The following PPARGC1B variants were observed in gnomAD, a reference collection of about 807,000 sequenced individuals.
The protein encoded by PPARGC1B is peroxisome proliferator-activated receptor gamma coactivator 1-beta.
Under a neutral mutation model 101.6 loss-of-function variants are expected in PPARGC1B, and 34 were observed. The ratio of observed to expected loss-of-function variants is 0.33; its 90% CI spans 0.25 to 0.45. The LOEUF (loss-of-function observed/expected upper bound fraction) is 0.45, where lower values mean the gene tolerates loss of function less well. Among genes scored for constraint, PPARGC1B ranks in the 20% least tolerant of loss-of-function variants. The pLI, the probability that PPARGC1B is intolerant of heterozygous loss-of-function variation, is 1.00. For synonymous variants in PPARGC1B, 548 were observed against 539.3 expected, an observed-to-expected ratio of 1.02 and a Z score of -0.22; for missense variants, 1,234 against 1,317.6, an observed-to-expected ratio of 0.94 and a Z score of 0.98.
chr5:149,754,592 T>A (rs1030897065), intron 1 of PPARGC1B, among the ~76,000 whole-genome samples: 2 of 152,108 alleles, frequency 1.3e-5, no homozygotes, highest in African/African-American at 4.8e-5. Flanking sequence ...AGATTTTACT[T>A]ACCTTAAACT....
chr5:149,772,056 A>G, intron 1 of PPARGC1B: 1 of 1,545,320 alleles, frequency 6.5e-7, no homozygotes, highest in Non-Finnish European at 8.7e-7. Context: ...CAGGCTGTGC[A>G]CAGGTGGGGA....
At chr5:149,736,306 T>G (rs1754707848) in intron 1 of PPARGC1B, among the ~76,000 whole-genome samples, 1 of 152,072 alleles carries the variant, frequency 6.6e-6, no homozygotes, top group Admixed American at 6.5e-5. Flanking sequence ...GGAATAATTC[T>G]CTCTTTGAAG....
chr5:149,808,289 C>T (rs1757675489), intron 1 of PPARGC1B, among the ~76,000 whole-genome samples: 1 of 152,192 alleles, frequency 6.6e-6, no homozygotes, highest in South Asian at 2.1e-4. Flanking sequence ...CTCCCAATTT[C>T]TGTGAACTAC....
chr5:149,804,649 G>A (rs756293719), intron 1 of PPARGC1B, among the ~76,000 whole-genome samples: 3 of 152,206 alleles, frequency 2.0e-5, no homozygotes, highest in East Asian at 1.9e-4. Context: ...CAGCTGGGGC[G>A]ACAGAGTGAG....
intron 1 of PPARGC1B, among the ~76,000 whole-genome samples, chr5:149,784,303 G>A (rs1398926617): frequency 6.6e-6 from 1 of 151,932 alleles, no homozygotes; most frequent in East Asian, 1.9e-4. Flanking sequence ...CCCACTCAGA[G>A]GCCACGCTCT....
chr5:149,853,279 C>T lies in PPARGC1B; in HGVS notation c.*5721C>T, dbSNP rs1024058895. 6.6e-6 allele frequency: 1 copy of T among 152,222 alleles called. No homozygotes were observed. Among genetic ancestry groups the T allele is most frequent in the African/African-American group, 2.4e-5 (1 of 41,466 alleles). 9.4% of individuals were successfully genotyped at this position (152,222 alleles called of 1,614,324 possible). ...TCCTTTCGGCCACCCTGCTGTCCATCGTGAACTTTGGGAATGAAATATAAT... is the reference window on the plus strand; with the variant it reads ...TCCTTTCGGCCACCCTGCTGTCCATTGTGAACTTTGGGAATGAAATATAAT... On this transcript the variant is annotated 3_prime_UTR_variant, in exon 12 of 12. Coordinates refer to ENST00000309241, the MANE Select transcript of PPARGC1B (RefSeq NM_133263.4). This position sits in a 1 kb window ranked among gnomAD's most constrained non-coding sequence, Gnocchi z 4.2.
At chr5:149,763,807 A>C (rs1174743235) in intron 1 of PPARGC1B, among the ~76,000 whole-genome samples, 1 of 149,130 alleles carries the variant, frequency 6.7e-6, no homozygotes, top group South Asian at 2.1e-4. Flanking sequence ...TTCATTTTTG[A>C]GACGGAGTCT....
chr5:149,807,743 C>T, intron 1 of PPARGC1B, among the ~76,000 whole-genome samples: 1 of 152,148 alleles, frequency 6.6e-6, no homozygotes, highest in Non-Finnish European at 1.5e-5. Context: ...TTCCTAAATA[C>T]CTCATGAGGG....
At position 149,837,286 on chromosome 5, in the gene PPARGC1B, G is replaced by A. The variant is rs903328944; in HGVS notation, c.2618+213G>A. ...TGGAGGCAGGCACAGCCTGGTCTGTGAAATCGAGAGTGTCCCAAACATCCT... is the reference window on the plus strand; with the variant it reads ...TGGAGGCAGGCACAGCCTGGTCTGTAAAATCGAGAGTGTCCCAAACATCCT... On this transcript the variant is annotated intron_variant, in intron 8 of 11. Transcript: ENST00000309241. This position sits in a 1 kb window ranked among gnomAD's most constrained non-coding sequence, Gnocchi z 4.2. Among the ~76,000 whole-genome samples, 9 of 152,210 alleles carry A rather than the reference G, an allele frequency of 5.9e-5. No homozygotes were observed. The highest frequency in any genetic ancestry group is 2.2e-4 in the African/African-American group (9 of 41,460).
Position 149,836,883 on chromosome 5 carries a change from G to A in PPARGC1B, c.2428G>A (p.Glu810Lys), listed in dbSNP as rs560230215. Residue 810 changes from glutamate to lysine, a missense_variant, in exon 8 of 12, where the codon GAG becomes AAG. Physicochemically the swap from Glu to Lys is moderately conservative, Grantham distance 56 (BLOSUM62 1). Coordinates refer to ENST00000309241, the MANE Select transcript of PPARGC1B (RefSeq NM_133263.4). ...GESSFLPEEE[E>K]EEGEEEEEDD... is the part of the protein sequence containing the mutation. ...GAGCAGCTTCCTCCCAGAGGAGGAA[G>A]AGGAAGAAGGGGAGGAGGAGGAGGA... 3 of 1,613,226 alleles carry A rather than the reference G, an allele frequency of 1.9e-6. No homozygotes were observed. The highest frequency in any genetic ancestry group is 4.5e-5 in the East Asian group (2 of 44,862).
rs760848448 is a variant in PPARGC1B, at chr5:149,730,865, C to G, written c.78+445C>G. Among the ~76,000 whole-genome samples the G allele has an allele frequency of 7.2e-5, 11 of 152,208 alleles. No individual in the cohort carries two copies. Among genetic ancestry groups the G allele is most frequent in the Non-Finnish European group, 1.5e-4 (10 of 68,026 alleles). ...TGCATGCCCGGGTCTCCGGAGTCCC[C>G]TAGTCCTCCAGGCTGTAGTCCCCAG... On this transcript the variant is annotated intron_variant, in intron 1 of 11. Transcript: ENST00000309241. The surrounding 1 kb of genome is among the most constrained non-coding windows in gnomAD (Gnocchi z 4.0).
At chr5:149,841,439 C>T (rs1399233183) in intron 9 of PPARGC1B, among the ~76,000 whole-genome samples, 2 of 152,122 alleles carry the variant, frequency 1.3e-5, no homozygotes, top group African/African-American at 2.4e-5. Context: ...GTTTGTGGAC[C>T]CGCCACCTGG....
At chr5:149,856,344 G>A (rs1315240441), downstream of PPARGC1B, among the ~76,000 whole-genome samples, 2 of 152,124 alleles carry the variant, frequency 1.3e-5, no homozygotes, top group East Asian at 3.8e-4. Context: ...TTTCCACTTA[G>A]GGGCAGAGTT....
At position 149,777,963 on chromosome 5, in the gene PPARGC1B, C is replaced by CAG. The variant is rs1382986343; in HGVS notation, c.79-42469_79-42468dup. Among the ~76,000 whole-genome samples, 14 of 89,248 alleles carry CAG rather than the reference C, an allele frequency of 1.6e-4. 2 individuals are homozygous for CAG. Among genetic ancestry groups the CAG allele is most frequent in the Non-Finnish European group, 2.7e-4 (12 of 44,140 alleles). The allele number at this position is 89,248 out of a possible 152,430, so 58.6% of individuals were successfully genotyped here. A position where few individuals can be genotyped will look rare whatever the true frequency, so the allele number is the denominator to read the frequency against. On this transcript the variant is annotated intron_variant, in intron 1 of 11. Coordinates refer to ENST00000309241, the MANE Select transcript of PPARGC1B (RefSeq NM_133263.4). ...ACACACACACACACACACACACACA[C>CAG]AGTATCCGGCTGCTTGTATCCATGT... is the stretch of plus-strand genomic sequence containing the variant.
Position 149,849,039 on chromosome 5 carries a change from G to A in PPARGC1B, c.*1481G>A, listed in dbSNP as rs1401371704. 6.6e-6 allele frequency: 1 copy of A among 152,052 alleles called. No homozygotes were observed. Among genetic ancestry groups the A allele is most frequent in the Non-Finnish European group, 1.5e-5 (1 of 68,014 alleles). The allele number at this position is 152,052 out of a possible 1,614,324, so 9.4% of individuals were successfully genotyped here. ...TCATGCAGGGAGCATGGCCAGGCAG[G>A]GTATGAGTACATTGTTTCTGATTTC... is the stretch of plus-strand genomic sequence containing the variant. On this transcript the variant is annotated 3_prime_UTR_variant, in exon 12 of 12. Transcript: ENST00000309241.
chr5:149,774,532 G>A (rs187993719), intron 1 of PPARGC1B, among the ~76,000 whole-genome samples: 7 of 152,016 alleles, frequency 4.6e-5, no homozygotes, highest in Non-Finnish European at 1.0e-4. Flanking sequence ...AATCACATCC[G>A]AGCATTAGCG....
intron 1 of PPARGC1B, among the ~76,000 whole-genome samples, chr5:149,755,046 C>CATATATATAT (rs1385735590): frequency 1.4e-3 from 150 of 105,548 alleles, no homozygotes; most frequent in African/African-American, 5.5e-3. Flanking sequence ...TATACATATA[C>CATATATATAT]ATATACATAT....
At chr5:149,762,831 G>T (rs996439624) in intron 1 of PPARGC1B, among the ~76,000 whole-genome samples, 1 of 152,048 alleles carries the variant, frequency 6.6e-6, no homozygotes, top group African/African-American at 2.4e-5. Context: ...CTGTTGCCCA[G>T]TCTGGAGTGC....
At chr5:149,765,417 T>C (rs1739936887) in intron 1 of PPARGC1B, among the ~76,000 whole-genome samples, 1 of 152,112 alleles carries the variant, frequency 6.6e-6, no homozygotes, top group Non-Finnish European at 1.5e-5. Context: ...AGTCCAAAGA[T>C]GTGAGACTGG....
Sources: gnomAD v4.1 joint callset for allele counts (sites outside exome capture counted in the v4.1 genomes callset) on GRCh38, gnomAD v4.1.1 for gene constraint, Gnocchi (gnomAD v3.1) non-coding constraint, MANE v1.5 for transcripts, NCBI Gene and HGNC (gene_info 2026-07-23, HGNC 2026-07-21) for gene names.